Variants in ATP2C1 observed in about 807,000 individuals in gnomAD.
The protein encoded by ATP2C1 is ATPase secretory pathway Ca2+ transporting 1.
In ATP2C1, 31 loss-of-function variants were observed where a neutral mutation model predicts 120.5. The observed-to-expected ratio is 0.26, with a 90% CI of 0.19 to 0.35. ATP2C1 has a LOEUF of 0.35. ATP2C1 is among the 10% of genes least tolerant of loss of function. The probability of loss-of-function intolerance (pLI) is 1.00; values close to 1 mark genes in which losing one functional copy is unlikely to be tolerated. For missense variants in ATP2C1, 731 were observed against 1,107.5 expected, an observed-to-expected ratio of 0.66 and a Z score of 4.83; for synonymous variants, 351 against 358.7, an observed-to-expected ratio of 0.98 and a Z score of 0.24.
chr3:130,938,927 A>G (rs920871886), intron 6 of ATP2C1, among the ~76,000 whole-genome samples: 18 of 152,252 alleles, frequency 1.2e-4, no homozygotes, highest in African/African-American at 2.9e-4. Flanking sequence ...ACATAAGTCA[A>G]TATGGAATTT....
chr3:130,984,094 T>A (rs1013384060), intron 20 of ATP2C1, among the ~76,000 whole-genome samples: 1 of 152,174 alleles, frequency 6.6e-6, no homozygotes, highest in African/African-American at 2.4e-5. Context: ...GCAATTCCAT[T>A]TTTATAGATG....
intron 12 of ATP2C1, chr3:130,959,638 G>T (rs1576888075): frequency 5.8e-6 from 1 of 172,432 alleles, no homozygotes; most frequent in East Asian, 1.4e-4. Flanking sequence ...ACATGAAAGA[G>T]AAAGTTCACA....
chr3:131,001,282 G>A lies in ATP2C1; in HGVS notation c.2692G>A (p.Val898Ile). 6.2e-7 allele frequency: 1 copy of A among 1,613,866 alleles called. No homozygotes were observed. The highest frequency in any genetic ancestry group is 8.5e-7 in the Non-Finnish European group (1 of 1,179,894). Residue 898 changes from valine (V) to isoleucine (I), a missense_variant, in exon 28 of 28, where the codon GTT (valine) becomes ATT (isoleucine). Coordinates refer to ENST00000510168, the MANE Select transcript of ATP2C1 (RefSeq NM_001378687.1). ...VCIVAEIIKK[V>I]ERSREKIQKH... ...CATAGTGGCAGAAATTATAAAGAAG[G>A]TTGAAAGGAGCAGGGAAAAGATCCA...
chr3:131,014,796 A>T (rs1195431395), intron 26 of ATP2C1, among the ~76,000 whole-genome samples: 2 of 152,212 alleles, frequency 1.3e-5, no homozygotes, highest in Non-Finnish European at 2.9e-5. Flanking sequence ...CTAAAAACCT[A>T]CTTCACAAAT....
At chr3:130,886,010 T>C (rs2068964210) in intron 1 of ATP2C1, among the ~76,000 whole-genome samples, 2 of 152,228 alleles carry the variant, frequency 1.3e-5, no homozygotes, top group South Asian at 4.1e-4. Flanking sequence ...TTAACATTTA[T>C]TTTAGGACAA....
intron 1 of ATP2C1, among the ~76,000 whole-genome samples, chr3:130,876,975 G>A (rs1166891325): frequency 2.0e-5 from 3 of 152,202 alleles, no homozygotes; most frequent in Non-Finnish European, 4.4e-5. Flanking sequence ...CAAGTTTACT[G>A]AATTTGTTTA....
intron 20 of ATP2C1, among the ~76,000 whole-genome samples, chr3:130,988,201 G>C (rs1221249578): frequency 6.6e-6 from 1 of 151,936 alleles, no homozygotes; most frequent in African/African-American, 2.4e-5. Flanking sequence ...ATCTTCGGTA[G>C]GTTATTCTAA....
intron 2 of ATP2C1, chr3:130,929,990 T>A (rs1009279731): frequency 3.1e-6 from 1 of 321,024 alleles, no homozygotes; most frequent in Non-Finnish European, 6.0e-6. Flanking sequence ...GTAGATCAGC[T>A]ATGAGCTGAC....
At chr3:130,896,799 G>A (rs2069671326) in intron 2 of ATP2C1, among the ~76,000 whole-genome samples, 1 of 152,152 alleles carries the variant, frequency 6.6e-6, no homozygotes, top group Admixed American at 6.5e-5. Context: ...ACAGAATTGA[G>A]AGGATTAAAT....
In ATP2C1 at chr3:130,969,303, T is replaced by G. The variant is rs1258405899; in HGVS notation, c.1320T>G (p.Asp440Glu). 6.2e-7 allele frequency: 1 copy of G among 1,613,384 alleles called. No homozygotes were observed. Among genetic ancestry groups the G allele is most frequent in the Non-Finnish European group, 8.5e-7 (1 of 1,179,360 alleles). ...TTTGTGCCATATAGATGGGTCTTGA[T>G]GGACTTCAACAAGACTACATCAGAA... Reference protein sequence around the residue: ...LIALAMKMGLDGLQQDYIRKA... With the variant: ...LIALAMKMGLEGLQQDYIRKA... The change falls in exon 17 of 28, where the codon GAT (aspartate) becomes GAG (glutamate). Residue 440 changes from aspartate (D) to glutamate (E), a missense_variant. Physicochemically the swap from Asp to Glu is conservative, Grantham distance 45 (BLOSUM62 2). Coordinates refer to ENST00000510168, the MANE Select transcript of ATP2C1 (RefSeq NM_001378687.1).
chr3:130,903,652 C>A (rs2057973584), intron 2 of ATP2C1, among the ~76,000 whole-genome samples: 2 of 151,346 alleles, frequency 1.3e-5, no homozygotes, highest in Non-Finnish European at 3.0e-5. Context: ...CCCTTCCTCC[C>A]CCCTTTCCTT....
At chr3:130,963,777 A>C (rs2060932716) in intron 12 of ATP2C1, 194 bp from the exon 13 acceptor site, 2 of 588,690 alleles carry the variant, frequency 3.4e-6, no homozygotes, top group East Asian at 3.2e-5. Context: ...TACATTTTTT[A>C]ACCACTGTGC....
intron 26 of ATP2C1, 31 bp downstream of exon 26, chr3:130,998,420 TGATTGACTC>T: frequency 6.8e-7 from 1 of 1,472,554 alleles, no homozygotes; most frequent in Non-Finnish European, 9.5e-7. Flanking sequence ...TTGATTGACT[TGATTGACTC>T]ACTTGAGTAG....
chr3:130,940,589 A>G (rs2059848729), intron 6 of ATP2C1, 41 bp from the exon 7 acceptor site: 1 of 1,346,062 alleles, frequency 7.4e-7, no homozygotes, highest in African/African-American at 1.4e-5. Flanking sequence ...GAATATATTC[A>G]TGGGAGCAAA....
At position 131,001,412 on chromosome 3, in the gene ATP2C1, C is replaced by A; in HGVS notation, c.*62C>A. 6.3e-7 allele frequency: 1 copy of A among 1,593,100 alleles called. No homozygotes were observed. On this transcript the variant is annotated 3_prime_UTR_variant, in exon 28 of 28. Transcript: ENST00000510168. Reference sequence around the variant, plus strand: ...GCAGTCTGAGGATCATTTAGAAGGGCAAGTTCAAGAGGATATGAAGATTTG... The same window carrying A: ...GCAGTCTGAGGATCATTTAGAAGGGAAAGTTCAAGAGGATATGAAGATTTG...
rs558489901 is a variant in ATP2C1, at chr3:130,894,324, G to C, written c.-194G>C. On this transcript the variant is annotated 5_prime_UTR_variant, in exon 1 of 28. Coordinates refer to ENST00000510168, the MANE Select transcript of ATP2C1 (RefSeq NM_001378687.1). The surrounding 1 kb of genome is among the most constrained non-coding windows in gnomAD (Gnocchi z 4.5). ...AGACCCCGCAGCCTGGAGGAGGGCT[G>C]TCCGGGGCTTTGGGTGGGTACCAGT... 3.0e-6 allele frequency: 3 copies of C among 994,912 alleles called. No individual in the cohort carries two copies. Among genetic ancestry groups the C allele is most frequent in the South Asian group, 8.7e-5 (2 of 23,114 alleles). 61.6% of individuals were successfully genotyped at this position (994,912 alleles called of 1,614,324 possible).
intron 2 of ATP2C1, among the ~76,000 whole-genome samples, chr3:130,929,399 ATCT>A (rs1462548375): frequency 2.6e-5 from 4 of 152,208 alleles, no homozygotes; most frequent in African/African-American, 9.7e-5. Context: ...ATGTAGTAGA[ATCT>A]TCTTTGATTT....
At chr3:130,949,060 A>G (rs1325763438) in intron 8 of ATP2C1, among the ~76,000 whole-genome samples, 1 of 152,118 alleles carries the variant, frequency 6.6e-6, no homozygotes. Flanking sequence ...TAATAACCCT[A>G]CAGTGGCCTC....
intron 20 of ATP2C1, among the ~76,000 whole-genome samples, chr3:130,984,197 G>C (rs2061896022): frequency 6.6e-6 from 1 of 152,138 alleles, no homozygotes; most frequent in Non-Finnish European, 1.5e-5. Context: ...ATCCAGGTCT[G>C]TATGCTCCAG....
Sources: allele counts gnomAD v4.1 joint callset (sites outside exome capture counted in the v4.1 genomes callset), GRCh38; gene constraint gnomAD v4.1.1; non-coding constraint Gnocchi (gnomAD v3.1); transcripts MANE v1.5; gene names NCBI Gene and HGNC (gene_info 2026-07-23, HGNC 2026-07-21).